The following SPMIP7 variants were observed in gnomAD, a reference collection of about 807,000 sequenced individuals.
SPMIP7 encodes the protein sperm microtubule inner protein 7, also known as protein SPMIP7.
chr7:50,133,984 A>G, the SPMIP7 span: 3 of 789,828 alleles, frequency 3.8e-6, no homozygotes, highest in African/African-American at 5.3e-5. Context: ...TATATGGTAT[A>G]CACACCAAGG....
the SPMIP7 span, among the ~76,000 whole-genome samples, chr7:50,154,169 A>G: frequency 1.1e-4 from 16 of 152,194 alleles, no homozygotes; most frequent in Non-Finnish European, 1.0e-4. Flanking sequence ...ATGGGTATAT[A>G]GTAAAATGGT....
At chr7:50,154,767 C>A in the SPMIP7 span, among the ~76,000 whole-genome samples, 1 of 152,278 alleles carries the variant, frequency 6.6e-6, no homozygotes, top group African/African-American at 2.4e-5. Flanking sequence ...TGTTTAATTT[C>A]TTTAGGAAAC....
the SPMIP7 span, chr7:50,159,018 T>G: frequency 1.9e-6 from 3 of 1,549,776 alleles, no homozygotes; most frequent in South Asian, 2.4e-5. Context: ...TGTCTCATTT[T>G]CCTCCTTTTT....
At chr7:50,133,846 C>T in the SPMIP7 span, among the ~76,000 whole-genome samples, 8 of 152,224 alleles carry the variant, frequency 5.3e-5, no homozygotes, top group South Asian at 1.7e-3. Flanking sequence ...TTCTGATTAA[C>T]TCAAATTCAA....
At chr7:50,112,301 C>A in the SPMIP7 span, among the ~76,000 whole-genome samples, 1 of 151,874 alleles carries the variant, frequency 6.6e-6, no homozygotes, top group East Asian at 1.9e-4. Flanking sequence ...AGAGCAAAAA[C>A]CAAGCAGTGG....
At chr7:50,151,455 C>T in the SPMIP7 span, 1 of 1,549,942 alleles carries the variant, frequency 6.5e-7, no homozygotes, top group Non-Finnish European at 8.7e-7. Context: ...TTTAGTGCTG[C>T]AAATATTCCA....
At chr7:50,111,559 C>A in the SPMIP7 span, among the ~76,000 whole-genome samples, 2 of 152,130 alleles carry the variant, frequency 1.3e-5, no homozygotes, top group Non-Finnish European at 2.9e-5. Flanking sequence ...TCCTGGTAGC[C>A]CTTCCCTATT....
At chr7:50,102,568 C>G in the SPMIP7 span, among the ~76,000 whole-genome samples, 1 of 152,184 alleles carries the variant, frequency 6.6e-6, no homozygotes, top group Non-Finnish European at 1.5e-5. Flanking sequence ...CGCTGACACT[C>G]TGTTCTCTAA....
the SPMIP7 span, among the ~76,000 whole-genome samples, chr7:50,124,811 A>G: frequency 6.6e-6 from 1 of 152,030 alleles, no homozygotes; most frequent in East Asian, 1.9e-4. Flanking sequence ...ATATTAAGAA[A>G]CTAGAGGCTG....
chr7:50,135,201 A>G, the SPMIP7 span, among the ~76,000 whole-genome samples: 1 of 152,078 alleles, frequency 6.6e-6, no homozygotes, highest in Non-Finnish European at 1.5e-5. Flanking sequence ...ACCTCCCAAC[A>G]CTGGATTAGA....
chr7:50,134,441 T>C, the SPMIP7 span, among the ~76,000 whole-genome samples: 1 of 152,178 alleles, frequency 6.6e-6, no homozygotes, highest in Non-Finnish European at 1.5e-5. Flanking sequence ...GTGCAAGTTA[T>C]TGATGACTGC....
the SPMIP7 span, among the ~76,000 whole-genome samples, chr7:50,107,719 G>A: frequency 6.6e-6 from 1 of 152,178 alleles, no homozygotes. Context: ...TCCACTGCGT[G>A]TTTATTTCTG....
chr7:50,125,366 A>ACATATATATACACG, the SPMIP7 span, among the ~76,000 whole-genome samples: 5 of 108,958 alleles, frequency 4.6e-5, no homozygotes, highest in South Asian at 8.6e-4. Flanking sequence ...ATATATACAC[A>ACATATATATACACG]TATATATACA....
the SPMIP7 span, among the ~76,000 whole-genome samples, chr7:50,122,604 G>A: frequency 2.0e-5 from 3 of 150,254 alleles, no homozygotes; most frequent in South Asian, 4.3e-4. Context: ...CACAGCAAAA[G>A]AAACTACCAT....
the SPMIP7 span, among the ~76,000 whole-genome samples, chr7:50,098,999 G>A: frequency 6.6e-6 from 1 of 152,080 alleles, no homozygotes; most frequent in Admixed American, 6.5e-5. Flanking sequence ...TTCCCTCCCT[G>A]CCAGGGGTTA....
At chr7:50,101,147 C>T in the SPMIP7 span, among the ~76,000 whole-genome samples, 1,178 of 152,312 alleles carry the variant, frequency 7.7e-3, 3 homozygotes, top group Non-Finnish European at 0.014. Flanking sequence ...GTTTACTTCC[C>T]ATGTTGACAT....
chr7:50,095,962 C>A, the SPMIP7 span: 1 of 612,688 alleles, frequency 1.6e-6, no homozygotes, highest in Non-Finnish European at 2.5e-6. Flanking sequence ...ATTTAGAAAG[C>A]TGTGTCAATT....
chr7:50,125,515 A>C, the SPMIP7 span, among the ~76,000 whole-genome samples: 1 of 151,170 alleles, frequency 6.6e-6, no homozygotes, highest in South Asian at 2.1e-4. Flanking sequence ...CACAAGAGAA[A>C]AAATTTGAAA....
At chr7:50,114,008 A>T in the SPMIP7 span, among the ~76,000 whole-genome samples, 1 of 152,290 alleles carries the variant, frequency 6.6e-6, no homozygotes, top group South Asian at 2.1e-4. Flanking sequence ...AAATAAATGC[A>T]CATATTTTAA....
Sources: gnomAD v4.1 joint callset for allele counts (sites outside exome capture counted in the v4.1 genomes callset) on GRCh38, gnomAD v4.1.1 for gene constraint, MANE v1.5 for transcripts, NCBI Gene and HGNC (gene_info 2026-07-23, HGNC 2026-07-21) for gene names.